The following EFCAB11 variants were observed in gnomAD, a reference collection of about 807,000 sequenced individuals.
EFCAB11 encodes EF-hand calcium binding domain 11.
Under a neutral mutation model 23.0 loss-of-function variants are expected in EFCAB11, and 14 were observed. That is an observed-to-expected ratio of 0.61 (90% CI 0.40 to 0.95). EFCAB11 has a LOEUF of 0.95. Among genes scored for constraint, EFCAB11 ranks in the 40% least tolerant of loss-of-function variants. The probability of loss-of-function intolerance (pLI) is 0.00; values close to 1 mark genes in which losing one functional copy is unlikely to be tolerated. For synonymous variants in EFCAB11, 65 were observed against 66.6 expected, an observed-to-expected ratio of 0.98 and a Z score of 0.11; for missense variants, 198 against 195.8, an observed-to-expected ratio of 1.01 and a Z score of -0.07.
At position 89,797,187 on chromosome 14, in the gene EFCAB11, T is replaced by C; in HGVS notation, c.*56A>G. On this transcript the variant is annotated 3_prime_UTR_variant, in exon 6 of 6. Transcript: ENST00000316738. ...ATGACATCATTAGTAGAGTCGAGTC[T>C]GCTGACATTACAATCTATTGATCTC... is the stretch of plus-strand genomic sequence containing the variant. 1 of 1,491,048 alleles carries C rather than the reference T, an allele frequency of 6.7e-7. No homozygotes were observed. Among genetic ancestry groups the C allele is most frequent in the Non-Finnish European group, 9.3e-7 (1 of 1,077,346 alleles). The allele number at this position is 1,491,048 out of a possible 1,614,324, so 92.4% of individuals were successfully genotyped here.
intron 5 of EFCAB11, among the ~76,000 whole-genome samples, chr14:89,912,067 G>A (rs1021805493): frequency 6.6e-6 from 1 of 152,160 alleles, no homozygotes; most frequent in Non-Finnish European, 1.5e-5. Context: ...TCTAGAACAC[G>A]CTTTCTTAGC....
At chr14:89,866,872 G>A (rs1156607390) in intron 5 of EFCAB11, among the ~76,000 whole-genome samples, 1 of 151,956 alleles carries the variant, frequency 6.6e-6, no homozygotes, top group Non-Finnish European at 1.5e-5. Context: ...GCACAATCTT[G>A]GCCCACTCCA....
intron 5 of EFCAB11, among the ~76,000 whole-genome samples, chr14:89,895,308 C>G (rs944226026): frequency 2.6e-5 from 4 of 152,104 alleles, no homozygotes; most frequent in Non-Finnish European, 4.4e-5. Context: ...TCTGTAAAGT[C>G]AATGTTAATC....
intron 5 of EFCAB11, among the ~76,000 whole-genome samples, chr14:89,806,743 GACTTTGAAGCTCCTC>G (rs1452159967): frequency 2.0e-5 from 3 of 152,310 alleles, no homozygotes; most frequent in Admixed American, 1.3e-4. Context: ...CAACTGCTAT[GACTTTGAAGCTCCTC>G]ACTTGTCAAG....
intron 5 of EFCAB11, among the ~76,000 whole-genome samples, chr14:89,916,452 C>T (rs889728035): frequency 1.3e-5 from 2 of 152,158 alleles, no homozygotes; most frequent in African/African-American, 2.4e-5. Flanking sequence ...CAGTTTAAAT[C>T]GCTATACAAA....
At chr14:89,884,448 T>A (rs1223530517) in intron 5 of EFCAB11, among the ~76,000 whole-genome samples, 5 of 152,152 alleles carry the variant, frequency 3.3e-5, no homozygotes, top group African/African-American at 1.2e-4. Context: ...TATTCCATAG[T>A]TAATGTGAAA....
intron 5 of EFCAB11, among the ~76,000 whole-genome samples, chr14:89,834,246 CGT>C (rs1401391226): frequency 1.3e-5 from 2 of 151,550 alleles, no homozygotes; most frequent in Non-Finnish European, 2.9e-5. Flanking sequence ...CATGGTGGCG[CGT>C]GCCTGTAATC....
chr14:89,946,251 CT>C (rs1285847747), intron 3 of EFCAB11, among the ~76,000 whole-genome samples: 1 of 152,094 alleles, frequency 6.6e-6, no homozygotes, highest in Non-Finnish European at 1.5e-5. Flanking sequence ...TGAACTGGCT[CT>C]CCTTATCCCT....
chr14:89,846,267 C>T (rs926979582), intron 5 of EFCAB11, among the ~76,000 whole-genome samples: 1 of 152,182 alleles, frequency 6.6e-6, no homozygotes, highest in Non-Finnish European at 1.5e-5. Flanking sequence ...CAGGACACTT[C>T]CCCTACCAGT....
chr14:89,834,914 A>C (rs1454917704), intron 5 of EFCAB11, among the ~76,000 whole-genome samples: 1 of 152,144 alleles, frequency 6.6e-6, no homozygotes, highest in Admixed American at 6.5e-5. Flanking sequence ...GGGAGATAGG[A>C]GAAATAGTAC....
At chr14:89,821,194 A>T (rs1359730042) in intron 5 of EFCAB11, among the ~76,000 whole-genome samples, 1 of 152,150 alleles carries the variant, frequency 6.6e-6, no homozygotes, top group Non-Finnish European at 1.5e-5. Context: ...GACTTTGAGT[A>T]AAGCAGATTG....
At chr14:89,953,473 G>A (rs185352105) in intron 2 of EFCAB11, among the ~76,000 whole-genome samples, 26 of 152,338 alleles carry the variant, frequency 1.7e-4, no homozygotes, top group Admixed American at 1.6e-3. Context: ...CCTCTGGTAG[G>A]CGGCGAGCGG....
rs564813270 is a variant in EFCAB11 at position 89,835,971 on chromosome 14, A to C, written c.411-38647T>G. 4.6e-5 allele frequency among the ~76,000 whole-genome samples: 7 copies of C among 152,282 alleles called. No homozygotes were observed. The South Asian group carries it at 1.5e-3, about 32-fold the overall frequency. On this transcript the variant is annotated intron_variant, in intron 5 of 5. Coordinates refer to ENST00000316738, the MANE Select transcript of EFCAB11 (RefSeq NM_145231.4). ...TGCAGACACTCAACAACCTAAGCGTAAAGCAAGAAGATGGAGAGTCAGGTT... is the reference window on the plus strand; with the variant it reads ...TGCAGACACTCAACAACCTAAGCGTCAAGCAAGAAGATGGAGAGTCAGGTT...
rs1890426920 is a variant in EFCAB11, at chr14:89,932,537, A to G, written c.308T>C (p.Phe103Ser). 2 of 1,613,624 alleles carry G rather than the reference A, an allele frequency of 1.2e-6. No homozygotes were observed. Among genetic ancestry groups the G allele is most frequent in the Non-Finnish European group, 1.7e-6 (2 of 1,179,844 alleles). The change falls in exon 4 of 6, where the codon TTT (phenylalanine) becomes TCT (serine). Residue 103 changes from phenylalanine to serine, a missense_variant. Physicochemically the swap from Phe to Ser is radical, Grantham distance 155. Transcript: ENST00000316738. Reference sequence around the variant, plus strand: ...TTAGAGACACTTACAGTAGGTGTCAAAGGCTGTGAAGATGTGTCTTACTTC... The same window carrying G: ...TTAGAGACACTTACAGTAGGTGTCAGAGGCTGTGAAGATGTGTCTTACTTC... ...RNEVRHIFTAFDTYYRGFLTL... is the reference protein window; with the variant it reads ...RNEVRHIFTASDTYYRGFLTL...
Position 89,921,316 on chromosome 14 carries a change from G to C in EFCAB11, c.410+10225C>G, listed in dbSNP as rs573257688. Among the ~76,000 whole-genome samples, 5 of 152,246 alleles carry C rather than the reference G, an allele frequency of 3.3e-5. No individual in the cohort carries two copies. The South Asian group carries it at 1.0e-3, about 32-fold the overall frequency. ...CAGCCATTTCTGTCTATATGGCCTTGTATGTTTCTGTCTGTAGGGGCCTTG... is the reference window on the plus strand; with the variant it reads ...CAGCCATTTCTGTCTATATGGCCTTCTATGTTTCTGTCTGTAGGGGCCTTG... On this transcript the variant is annotated intron_variant, in intron 5 of 5. Coordinates refer to ENST00000316738, the MANE Select transcript of EFCAB11 (RefSeq NM_145231.4).
intron 5 of EFCAB11, among the ~76,000 whole-genome samples, chr14:89,866,028 G>A (rs1167975732): frequency 6.6e-6 from 1 of 151,860 alleles, no homozygotes; most frequent in Admixed American, 6.6e-5. Flanking sequence ...CAAGTGATCC[G>A]CCCACCTCAG....
chr14:89,942,898 T>C (rs570249782), intron 3 of EFCAB11, among the ~76,000 whole-genome samples: 1 of 152,298 alleles, frequency 6.6e-6, no homozygotes, highest in African/African-American at 2.4e-5. Context: ...ATGACCTACT[T>C]TTCAAGAGGA....
intron 5 of EFCAB11, among the ~76,000 whole-genome samples, chr14:89,849,945 T>C (rs73318878): frequency 1.3e-5 from 2 of 152,168 alleles, no homozygotes; most frequent in Non-Finnish European, 1.5e-5. Context: ...ATCTTTTATT[T>C]TCTCTGTTCC....
intron 5 of EFCAB11, among the ~76,000 whole-genome samples, chr14:89,903,885 G>C (rs1430797344): frequency 6.6e-6 from 1 of 152,052 alleles, no homozygotes; most frequent in Admixed American, 6.6e-5. Context: ...GTGGCAAAAG[G>C]CATGGCATCA....
Sources: gnomAD v4.1 joint callset for allele counts (sites outside exome capture counted in the v4.1 genomes callset) on GRCh38, gnomAD v4.1.1 for gene constraint, MANE v1.5 for transcripts, NCBI Gene and HGNC (gene_info 2026-07-23, HGNC 2026-07-21) for gene names.